The following UGT1A6 variants were observed in gnomAD, a reference collection of about 807,000 sequenced individuals.
UGT1A6 encodes UDP glucuronosyltransferase family 1 member A6.
Under a neutral mutation model 44.4 loss-of-function variants are expected in UGT1A6, and 32 were observed. The observed-to-expected ratio is 0.72, with a 90% confidence interval of 0.54 to 0.97. UGT1A6 has a LOEUF of 0.97. Among genes scored for constraint, UGT1A6 ranks in the 50% least tolerant of loss-of-function variants. The probability of loss-of-function intolerance (pLI) is 0.00; values close to 1 mark genes in which losing one functional copy is unlikely to be tolerated. For missense variants in UGT1A6, 685 were observed against 661.9 expected (o/e 1.03, Z -0.38); for synonymous variants, 238 against 248.5 (o/e 0.96, Z 0.40).
intron 1 of UGT1A6, among the ~76,000 whole-genome samples, chr2:233,727,543 C>T (rs1033335466): frequency 1.3e-5 from 2 of 152,154 alleles, no homozygotes; most frequent in Admixed American, 6.5e-5. Context: ...GTGTTCCACC[C>T]GTCACCTGGG....
intron 1 of UGT1A6, chr2:233,719,505 G>A: frequency 6.2e-7 from 1 of 1,613,876 alleles, no homozygotes; most frequent in Non-Finnish European, 8.5e-7. Context: ...TACTTTTTCT[G>A]CCCCTTATGC....
At chr2:233,743,140 A>C (rs1692212499) in intron 1 of UGT1A6, 1 of 356,854 alleles carries the variant, frequency 2.8e-6, no homozygotes, top group African/African-American at 2.2e-5. Flanking sequence ...ATCCTAAAAA[A>C]AGTCCGCTAT....
At chr2:233,738,799 A>T (rs560020824) in intron 1 of UGT1A6, among the ~76,000 whole-genome samples, 1 of 152,338 alleles carries the variant, frequency 6.6e-6, no homozygotes, top group African/African-American at 2.4e-5. Flanking sequence ...ATGCAGAAAT[A>T]CTAGCTAAAG....
At chr2:233,713,588 G>A (rs757953285) in intron 1 of UGT1A6, 87 of 1,613,728 alleles carry the variant, frequency 5.4e-5, no homozygotes, top group Non-Finnish European at 6.6e-5. Context: ...GATTACTAAC[G>A]ACCAATTCAG....
chr2:233,762,771 C>G (rs543365278), intron 1 of UGT1A6, among the ~76,000 whole-genome samples: 5 of 150,154 alleles, frequency 3.3e-5, no homozygotes, highest in South Asian at 4.2e-4. Context: ...ATTTCTATCT[C>G]TAGCTGATTA....
At chr2:233,704,812 T>A (rs2075808087) in intron 1 of UGT1A6, among the ~76,000 whole-genome samples, 1 of 152,136 alleles carries the variant, frequency 6.6e-6, no homozygotes, top group Non-Finnish European at 1.5e-5. Context: ...ATATGTATAT[T>A]GCTTTTTAGG....
intron 1 of UGT1A6, among the ~76,000 whole-genome samples, chr2:233,751,824 C>T (rs377308595): frequency 8.3e-4 from 127 of 152,144 alleles, no homozygotes; most frequent in African/African-American, 2.9e-3. Context: ...GCCTCCCCAG[C>T]CATGTGGAAC....
At chr2:233,727,897 G>A (rs1306526178) in intron 1 of UGT1A6, among the ~76,000 whole-genome samples, 1 of 152,194 alleles carries the variant, frequency 6.6e-6, no homozygotes, top group Non-Finnish European at 1.5e-5. Flanking sequence ...GACACGGCCA[G>A]GCAAGAAGAC....
At chr2:233,737,640 G>A (rs1245829598) in intron 1 of UGT1A6, among the ~76,000 whole-genome samples, 6 of 152,138 alleles carry the variant, frequency 3.9e-5, no homozygotes, top group African/African-American at 7.2e-5. Context: ...CTTCTGCGTC[G>A]ATCATGCTGG....
At chr2:233,721,319 C>T (rs1043522637) in intron 1 of UGT1A6, among the ~76,000 whole-genome samples, 9 of 152,144 alleles carry the variant, frequency 5.9e-5, no homozygotes, top group African/African-American at 2.2e-4. Flanking sequence ...TGGCTCTTTT[C>T]TTGTGGTTTT....
chr2:233,721,828 C>A, intron 1 of UGT1A6: 1 of 516,354 alleles, frequency 1.9e-6, no homozygotes, highest in South Asian at 1.4e-5. Context: ...CTATTTGGGC[C>A]ACCGACCTTG....
intron 1 of UGT1A6, among the ~76,000 whole-genome samples, chr2:233,718,542 G>C (rs2076661859): frequency 6.6e-6 from 1 of 152,234 alleles, no homozygotes. Flanking sequence ...GTTGGGAATT[G>C]AATGAGAAAG....
rs17868329 is a variant in UGT1A6, at chr2:233,698,474, A to G, written c.861+4609A>G. ...CATAGAAAATGAAGCCCTGATTTAT[A>G]GCTTAAAAATGCAGTCCTCATTAGG... On this transcript the variant is annotated intron_variant, in intron 1 of 4. Coordinates refer to ENST00000305139, the MANE Select transcript of UGT1A6 (RefSeq NM_001072.4). 6.7e-3 allele frequency among the ~76,000 whole-genome samples: 1,014 copies of G among 152,374 alleles called. 5 individuals are homozygous for G. The highest frequency in any genetic ancestry group is 0.012 in the Non-Finnish European group (789 of 68,030).
At chr2:233,702,484 C>A (rs78147153) in intron 1 of UGT1A6, among the ~76,000 whole-genome samples, 2,743 of 152,176 alleles carry the variant, frequency 0.018, 79 homozygotes, top group African/African-American at 0.062. Context: ...CTGGCTTGAA[C>A]CTCTAGTACC....
intron 1 of UGT1A6, among the ~76,000 whole-genome samples, chr2:233,695,579 C>G (rs967801959): frequency 2.6e-5 from 4 of 151,918 alleles, no homozygotes; most frequent in Non-Finnish European, 2.9e-5. Flanking sequence ...CCCTTCCCTA[C>G]TTACCCTTTC....
chr2:233,724,363 C>G (rs1212893783), intron 1 of UGT1A6, among the ~76,000 whole-genome samples: 1 of 136,850 alleles, frequency 7.3e-6, no homozygotes. Context: ...CCCTCCCGGA[C>G]GGGGTGGCTG....
At position 233,773,221 on chromosome 2, in the gene UGT1A6, T is replaced by C. The variant is rs1191094075; in HGVS notation, c.*662T>C. ...ATTTGATAAAAACCCAAAATACAGC[T>C]ATGAAGTGCTGGGCAAGTTTACTTT... On this transcript the variant is annotated 3_prime_UTR_variant, in exon 5 of 5. Coordinates refer to ENST00000305139, the MANE Select transcript of UGT1A6 (RefSeq NM_001072.4). The C allele has an allele frequency of 6.6e-6, 1 of 152,384 alleles. No individual in the cohort carries two copies. The highest frequency in any genetic ancestry group is 2.4e-5 in the African/African-American group (1 of 41,462). 9.4% of individuals were successfully genotyped at this position (152,384 alleles called of 1,614,324 possible). A position where few individuals can be genotyped will look rare whatever the true frequency, so the allele number is the denominator to read the frequency against.
At chr2:233,760,433 A>G (rs771774728) in intron 1 of UGT1A6, 1 of 1,614,234 alleles carries the variant, frequency 6.2e-7, no homozygotes, top group Non-Finnish European at 8.5e-7. Context: ...GCCATCCAGC[A>G]GCTGCAGCAG....
At chr2:233,719,630 G>A in intron 1 of UGT1A6, 1 of 1,614,064 alleles carries the variant, frequency 6.2e-7, no homozygotes, top group Non-Finnish European at 8.5e-7. Flanking sequence ...GGCCGATCAT[G>A]CCCAACATGG....
Sources: gnomAD v4.1 joint callset for allele counts (sites outside exome capture counted in the v4.1 genomes callset) on GRCh38, gnomAD v4.1.1 for gene constraint, MANE v1.5 for transcripts, NCBI Gene and HGNC (gene_info 2026-07-23, HGNC 2026-07-21) for gene names.